NEDD4L: variants seen among roughly 807,000 people sequenced by gnomAD.
The protein encoded by NEDD4L is NEDD4 like E3 ubiquitin protein ligase.
A neutral mutation model predicts 148.9 loss-of-function variants in NEDD4L; 54 were observed. The ratio of observed to expected loss-of-function variants is 0.36; its 90% CI spans 0.29 to 0.45. NEDD4L has a LOEUF of 0.45. Among genes scored for constraint, NEDD4L ranks in the 20% least tolerant of loss-of-function variants. NEDD4L has a pLI of 1.00. For missense variants in NEDD4L, 856 were observed against 1,233.8 expected, an observed-to-expected ratio of 0.69 and a Z score of 4.59; for synonymous variants, 433 against 440.7, an observed-to-expected ratio of 0.98 and a Z score of 0.22.
At chr18:58,167,691 T>G (rs1452493535) in intron 2 of NEDD4L, among the ~76,000 whole-genome samples, 1 of 152,026 alleles carries the variant, frequency 6.6e-6, no homozygotes, top group African/African-American at 2.4e-5. Flanking sequence ...TTTCTCCTAC[T>G]ACTTAACATA....
At chr18:58,147,221 G>T (rs1260951814) in intron 1 of NEDD4L, among the ~76,000 whole-genome samples, 1 of 152,188 alleles carries the variant, frequency 6.6e-6, no homozygotes, top group Non-Finnish European at 1.5e-5. Flanking sequence ...GTTGGCTCTG[G>T]AACAGGGTTT....
chr18:58,210,665 T>G (rs2042515799), intron 2 of NEDD4L, among the ~76,000 whole-genome samples: 1 of 152,150 alleles, frequency 6.6e-6, no homozygotes. Flanking sequence ...TCACACTGGC[T>G]TGAAAAAATA....
At chr18:58,300,243 A>G (rs1385903215) in intron 5 of NEDD4L, among the ~76,000 whole-genome samples, 1 of 152,240 alleles carries the variant, frequency 6.6e-6, no homozygotes, top group African/African-American at 2.4e-5. Flanking sequence ...AGTGCTGGGC[A>G]CAGAGTGGTG....
chr18:58,232,942 G>A lies in NEDD4L; in HGVS notation c.123-12485G>A, dbSNP rs545557901. ...TGGTTGGCAGGGTGGCATGAGGAGG[G>A]CACATATTTTAAGCGTTCTTAGGGC... On this transcript the variant is annotated intron_variant, in intron 2 of 30. Transcript: ENST00000400345. Among the ~76,000 whole-genome samples, 5 of 152,206 alleles carry A rather than the reference G, an allele frequency of 3.3e-5. No homozygotes were observed. The East Asian group carries it at 5.8e-4, about 18-fold the overall frequency.
At chr18:58,370,196 ATC>A (rs750100889) in intron 22 of NEDD4L, among the ~76,000 whole-genome samples, 199 bp from the exon 23 acceptor site, 1 of 151,912 alleles carries the variant, frequency 6.6e-6, no homozygotes, top group Non-Finnish European at 1.5e-5. Flanking sequence ...CTGCTGCGCC[ATC>A]TCTCTTAGCA....
Position 58,070,706 on chromosome 18 carries a change from G to A in NEDD4L, c.48+25998G>A, listed in dbSNP as rs952183167. ...CATGCCCCAATACCCACACCCACAC[G>A]CCCTCTCACCTACCCACCCACCCAC... On this transcript the variant is annotated intron_variant, in intron 1 of 30. Transcript: ENST00000400345. 3.3e-5 allele frequency among the ~76,000 whole-genome samples: 5 copies of A among 151,532 alleles called. No homozygotes were observed. In the South Asian group the frequency reaches 8.3e-4, roughly 25 times the overall value.
intron 2 of NEDD4L, among the ~76,000 whole-genome samples, chr18:58,224,051 G>A (rs935392957): frequency 1.3e-5 from 2 of 152,196 alleles, no homozygotes; most frequent in African/African-American, 2.4e-5. Flanking sequence ...AGAGCCCCCT[G>A]CCCTTCAGAC....
chr18:58,338,784 C>G (rs547055783), intron 13 of NEDD4L, among the ~76,000 whole-genome samples: 52 of 152,218 alleles, frequency 3.4e-4, no homozygotes, highest in Non-Finnish European at 6.9e-4. Flanking sequence ...GGCATGGTGG[C>G]GCTTGCGTAT....
chr18:58,347,724 A>G (rs2043278119), intron 16 of NEDD4L, among the ~76,000 whole-genome samples: 1 of 152,154 alleles, frequency 6.6e-6, no homozygotes, highest in Non-Finnish European at 1.5e-5. Flanking sequence ...TTAAAAGTTC[A>G]CCTAGCTAGC....
Position 58,397,093 on chromosome 18 carries a change from C to T in NEDD4L, c.*824C>T, listed in dbSNP as rs1032178901. ...AACACATTTGAGACAGGGTTGGACTCCCATTTCTCATCCGAGAAATTACTT... is the reference window on the plus strand; with the variant it reads ...AACACATTTGAGACAGGGTTGGACTTCCATTTCTCATCCGAGAAATTACTT... On this transcript the variant is annotated 3_prime_UTR_variant, in exon 31 of 31. Transcript: ENST00000400345. The T allele has an allele frequency of 6.5e-6, 1 of 152,714 alleles. No homozygotes were observed. Among genetic ancestry groups the T allele is most frequent in the Non-Finnish European group, 1.5e-5 (1 of 68,030 alleles). 9.5% of individuals were successfully genotyped at this position (152,714 alleles called of 1,614,324 possible). A position where few individuals can be genotyped will look rare whatever the true frequency, so the allele number is the denominator to read the frequency against.
At chr18:58,119,998 G>A (rs1174666454) in intron 1 of NEDD4L, among the ~76,000 whole-genome samples, 3 of 152,200 alleles carry the variant, frequency 2.0e-5, no homozygotes, top group African/African-American at 7.2e-5. Context: ...CAAGCCATCT[G>A]ATAATTTTCC....
intron 24 of NEDD4L, among the ~76,000 whole-genome samples, chr18:58,379,790 T>C (rs1462786774): frequency 6.6e-6 from 1 of 152,134 alleles, no homozygotes; most frequent in Non-Finnish European, 1.5e-5. Context: ...CTCATGAAAG[T>C]GTCACCTGTA....
chr18:58,380,612 T>C (rs995179827), intron 24 of NEDD4L, among the ~76,000 whole-genome samples: 1 of 152,174 alleles, frequency 6.6e-6, no homozygotes, highest in Non-Finnish European at 1.5e-5. Flanking sequence ...CTGGGATACA[T>C]GTGCAGAATG....
chr18:58,133,155 T>C (rs890804110), intron 1 of NEDD4L, among the ~76,000 whole-genome samples: 2 of 152,362 alleles, frequency 1.3e-5, no homozygotes, highest in African/African-American at 4.8e-5. Flanking sequence ...TGGATGTCTT[T>C]TCAGATTTGG....
At chr18:58,114,716 G>C (rs2085669120) in intron 1 of NEDD4L, among the ~76,000 whole-genome samples, 1 of 152,208 alleles carries the variant, frequency 6.6e-6, no homozygotes, top group Non-Finnish European at 1.5e-5. Flanking sequence ...CTAAACTCAA[G>C]GTGTCGCCAG....
chr18:58,298,033 T>G (rs2055911627), intron 5 of NEDD4L, among the ~76,000 whole-genome samples: 1 of 152,084 alleles, frequency 6.6e-6, no homozygotes, highest in African/African-American at 2.4e-5. Flanking sequence ...GGGAAACAAT[T>G]AAAAAATAAT....
intron 2 of NEDD4L, among the ~76,000 whole-genome samples, chr18:58,216,391 G>A (rs1457726177): frequency 6.6e-6 from 1 of 152,186 alleles, no homozygotes; most frequent in Non-Finnish European, 1.5e-5. Flanking sequence ...AGCCTGGAGA[G>A]TTGCAAGAAA....
At chr18:58,250,870 G>T (rs1267643332) in intron 4 of NEDD4L, among the ~76,000 whole-genome samples, 2 of 152,196 alleles carry the variant, frequency 1.3e-5, no homozygotes, top group African/African-American at 4.8e-5. Flanking sequence ...TCACACATGT[G>T]GTTGGTGCTT....
At chr18:58,213,362 T>C (rs531019626) in intron 2 of NEDD4L, among the ~76,000 whole-genome samples, 1 of 152,220 alleles carries the variant, frequency 6.6e-6, no homozygotes. Context: ...ATTTATGGAC[T>C]GTTTGTACCA....
Sources: allele counts gnomAD v4.1 joint callset (sites outside exome capture counted in the v4.1 genomes callset), GRCh38; gene constraint gnomAD v4.1.1; transcripts MANE v1.5; gene names NCBI Gene and HGNC (gene_info 2026-07-23, HGNC 2026-07-21).